Variants in LEMD3 observed in about 807,000 individuals in gnomAD.
LEMD3 encodes the protein inner nuclear membrane protein Man1.
In LEMD3, 33 loss-of-function variants were observed where a neutral mutation model predicts 95.2. The observed-to-expected ratio is 0.35, with a 90% confidence interval of 0.26 to 0.46. LEMD3 has a LOEUF of 0.46. Among genes scored for constraint, LEMD3 ranks in the 20% least tolerant of loss-of-function variants. LEMD3 has a pLI of 1.00. For missense variants in LEMD3, 1,210 were observed against 1,192.8 expected (o/e 1.01, Z -0.21); for synonymous variants, 525 against 474.6 (o/e 1.11, Z -1.38).
At chr12:65,176,140 G>A (rs1868712509) in intron 1 of LEMD3, among the ~76,000 whole-genome samples, 1 of 152,146 alleles carries the variant, frequency 6.6e-6, no homozygotes, top group African/African-American at 2.4e-5. Context: ...CAGTCCATTT[G>A]TCAGTACAGA....
chr12:65,207,090 G>T (rs1869785812), intron 1 of LEMD3, among the ~76,000 whole-genome samples: 1 of 152,036 alleles, frequency 6.6e-6, no homozygotes, highest in Non-Finnish European at 1.5e-5. Flanking sequence ...ACTCTAAACG[G>T]TAGTGTTATG....
intron 1 of LEMD3, among the ~76,000 whole-genome samples, chr12:65,209,755 T>G (rs980844873): frequency 2.0e-5 from 3 of 152,082 alleles, no homozygotes; most frequent in Non-Finnish European, 2.9e-5. Context: ...GATACATTTT[T>G]TTTTCCTTGC....
intron 2 of LEMD3, among the ~76,000 whole-genome samples, chr12:65,213,434 C>T (rs1870005241): frequency 1.3e-5 from 2 of 152,080 alleles, no homozygotes; most frequent in African/African-American, 2.4e-5. Context: ...GCCACATTGC[C>T]CAGGCTGGTC....
intron 1 of LEMD3, among the ~76,000 whole-genome samples, chr12:65,173,036 G>A (rs1868605976): frequency 6.6e-6 from 1 of 152,104 alleles, no homozygotes; most frequent in Non-Finnish European, 1.5e-5. Context: ...CCTCATTTTT[G>A]GATGAGGATG....
intron 6 of LEMD3, 94 bp downstream of exon 6, chr12:65,238,908 G>A (rs538804254): frequency 4.2e-6 from 5 of 1,202,560 alleles, no homozygotes; most frequent in South Asian, 1.2e-5. Flanking sequence ...TTTTTGTGAT[G>A]GTTGCCACAT....
chr12:65,210,210 C>T (rs7138752), intron 1 of LEMD3, among the ~76,000 whole-genome samples: 151,342 of 152,140 alleles, frequency 0.99, 75,281 homozygotes, highest in Middle Eastern at 1. Flanking sequence ...TTTGGAATTG[C>T]TTAATACTGA....
chr12:65,236,082 C>T (rs567175715), intron 4 of LEMD3, among the ~76,000 whole-genome samples: 19 of 152,196 alleles, frequency 1.2e-4, no homozygotes, highest in African/African-American at 3.9e-4. Context: ...GAATAACTTA[C>T]CAGTTTTATA....
At position 65,170,523 on chromosome 12, in the gene LEMD3, A is replaced by G. The variant is rs1868502458; in HGVS notation, c.927A>G (p.Ser309=). The change falls in exon 1 of 13, where the codon TCA becomes TCG. Residue 309 remains serine, a synonymous_variant. Coordinates refer to ENST00000308330, the MANE Select transcript of LEMD3 (RefSeq NM_014319.5). ...AKSAGGRLET[S]VQGGGGLAMN... ...CGGCCGGCGGCAGGCTGGAGACTTCAGTTCAGGGAGGGGGAGGACTCGCGA... is the reference window on the plus strand; with the variant it reads ...CGGCCGGCGGCAGGCTGGAGACTTCGGTTCAGGGAGGGGGAGGACTCGCGA... 1.9e-6 allele frequency: 3 copies of G among 1,614,008 alleles called. No individual in the cohort carries two copies. The highest frequency in any genetic ancestry group is 4.5e-5 in the East Asian group (2 of 44,844).
chr12:65,189,890 G>A (rs996216460), intron 1 of LEMD3, among the ~76,000 whole-genome samples: 6 of 152,056 alleles, frequency 3.9e-5, no homozygotes, highest in African/African-American at 9.7e-5. Flanking sequence ...GACTTTGCCC[G>A]TAATACCTAT....
chr12:65,204,213 G>T (rs1869694328), intron 1 of LEMD3, among the ~76,000 whole-genome samples: 1 of 149,064 alleles, frequency 6.7e-6, no homozygotes. Flanking sequence ...TGTGCAGGAT[G>T]CACAGTTTTG....
intron 1 of LEMD3, among the ~76,000 whole-genome samples, chr12:65,199,735 G>A (rs2136329497): frequency 6.6e-6 from 1 of 152,104 alleles, no homozygotes; most frequent in Admixed American, 6.6e-5. Context: ...AAACATCCAT[G>A]TGCAAGTTTT....
In LEMD3 at chr12:65,243,383, T is replaced by G. The variant is rs765522757; in HGVS notation, c.2306-5T>G. 4.5e-6 allele frequency: 7 copies of G among 1,544,148 alleles called. No homozygotes were observed. In the South Asian group the frequency reaches 7.8e-5, roughly 17 times the overall value. ...CAAATAGTAAAACTAACTTGTTTTT[T>G]GTAGCATTTCATTTAGATAGAAGAA... On this transcript the variant is annotated splice_polypyrimidine_tract_variant and splice_region_variant and intron_variant, in intron 9 of 12. Coordinates refer to ENST00000308330, the MANE Select transcript of LEMD3 (RefSeq NM_014319.5).
At chr12:65,191,994 A>G (rs1439177696) in intron 1 of LEMD3, among the ~76,000 whole-genome samples, 1 of 151,724 alleles carries the variant, frequency 6.6e-6, no homozygotes, top group Non-Finnish European at 1.5e-5. Flanking sequence ...CAAAAATATC[A>G]GAGGTTTAAA....
Position 65,216,023 on chromosome 12 carries a change from A to G in LEMD3, c.1607A>G (p.Asp536Gly). The G allele has an allele frequency of 1.3e-6, 2 of 1,593,592 alleles. No homozygotes were observed. Among genetic ancestry groups the G allele is most frequent in the Non-Finnish European group, 1.7e-6 (2 of 1,164,872 alleles). The change falls in exon 3 of 13, where the codon GAT becomes GGT. Residue 536 changes from aspartate (D) to glycine (G), a missense_variant. This residue lies in a region of LEMD3 where 461 missense variants were observed against 569.8 expected (regional missense o/e 0.81). Coordinates refer to ENST00000308330, the MANE Select transcript of LEMD3 (RefSeq NM_014319.5). ...LMMNTLYKLH[D>G]RLAQLAGDHE... Reference sequence around the variant, plus strand: ...ATGAACACATTATATAAGCTTCATGATCGATTGGCACAGCTTGCAGGTAAT... The same window carrying G: ...ATGAACACATTATATAAGCTTCATGGTCGATTGGCACAGCTTGCAGGTAAT...
chr12:65,173,082 T>TTAG (rs1868607498), intron 1 of LEMD3, among the ~76,000 whole-genome samples: 1 of 152,224 alleles, frequency 6.6e-6, no homozygotes, highest in African/African-American at 2.4e-5. Flanking sequence ...TGTTGAACAG[T>TTAG]TAGTAGTAGG....
At position 65,170,879 on chromosome 12, in the gene LEMD3, A is replaced by T; in HGVS notation, c.1283A>T (p.Asn428Ile). ...ASSSLRINHA[N>I]HTGSNHTYLK... ...AGTTCACTCAGGATCAATCACGCCAATCATACGGGCTCCAATCATACCTAC... is the reference window on the plus strand; with the variant it reads ...AGTTCACTCAGGATCAATCACGCCATTCATACGGGCTCCAATCATACCTAC... The change falls in exon 1 of 13, where the codon AAT (asparagine) becomes ATT (isoleucine). Residue 428 changes from asparagine (N) to isoleucine (I), a missense_variant. By Grantham distance (149) the Asn-to-Ile change is moderately radical. Transcript: ENST00000308330. 1.2e-6 allele frequency: 2 copies of T among 1,614,228 alleles called. No individual in the cohort carries two copies. The highest frequency in any genetic ancestry group is 2.2e-5 in the South Asian group (2 of 91,090).
chr12:65,194,686 G>A (rs10878243), intron 1 of LEMD3, among the ~76,000 whole-genome samples: 67,626 of 150,840 alleles, frequency 0.45, 18,377 homozygotes, highest in Middle Eastern at 0.63. Flanking sequence ...ATAATGTCTG[G>A]TAATTGATAT....
At chr12:65,232,544 C>T (rs1870660863) in intron 4 of LEMD3, among the ~76,000 whole-genome samples, 1 of 151,988 alleles carries the variant, frequency 6.6e-6, no homozygotes, top group Middle Eastern at 3.2e-3. Flanking sequence ...CCAGTTTTCT[C>T]CTTCAAAGGA....
chr12:65,228,905 A>G (rs1013891224), intron 4 of LEMD3, among the ~76,000 whole-genome samples: 5 of 152,234 alleles, frequency 3.3e-5, no homozygotes, highest in African/African-American at 1.2e-4. Flanking sequence ...GTTGCCTTGC[A>G]GTGTTATAGA....
Sources: allele counts gnomAD v4.1 joint callset (sites outside exome capture counted in the v4.1 genomes callset), GRCh38; gene constraint gnomAD v4.1.1; regional missense constraint gnomAD v4.1.1; transcripts MANE v1.5; gene names NCBI Gene and HGNC (gene_info 2026-07-23, HGNC 2026-07-21).